EPHA5: variants seen among roughly 807,000 people sequenced by gnomAD.
The protein encoded by EPHA5 is EPH receptor A5.
Under a neutral mutation model 105.0 loss-of-function variants are expected in EPHA5, and 60 were observed. That is an observed-to-expected ratio of 0.57 (90% confidence interval 0.46 to 0.71). The LOEUF (loss-of-function observed/expected upper bound fraction) is 0.71, where lower values mean the gene tolerates loss of function less well. EPHA5 is among the 30% of genes least tolerant of loss of function. The pLI is 0.00. For missense variants in EPHA5, 1,218 were observed against 1,274.7 expected, an observed-to-expected ratio of 0.96 and a Z score of 0.68; for synonymous variants, 513 against 449.1, an observed-to-expected ratio of 1.14 and a Z score of -1.80.
At chr4:65,465,527 GAAAAGA>G (rs1278598969) in intron 5 of EPHA5, among the ~76,000 whole-genome samples, 2,223 of 69,986 alleles carry the variant, frequency 0.032, 28 homozygotes, top group Middle Eastern at 0.047. Context: ...AAGAAAGAAA[GAAAAGA>G]AAGGAAAGGA....
chr4:65,397,897 G>A (rs1721405125), intron 8 of EPHA5, among the ~76,000 whole-genome samples: 2 of 152,148 alleles, frequency 1.3e-5, no homozygotes, highest in Non-Finnish European at 2.9e-5. Context: ...CCTCTTCAGA[G>A]GGGGGACTGA....
chr4:65,402,711 TATCTC>T (rs1168183206), intron 8 of EPHA5, among the ~76,000 whole-genome samples: 9 of 152,164 alleles, frequency 5.9e-5, no homozygotes, highest in African/African-American at 1.9e-4. Flanking sequence ...CACTAACTCT[TATCTC>T]AGTCAGAAGT....
chr4:65,640,633 A>C (rs1293231388), intron 2 of EPHA5, among the ~76,000 whole-genome samples: 2 of 152,178 alleles, frequency 1.3e-5, no homozygotes, highest in African/African-American at 4.8e-5. Flanking sequence ...CTTAGACAGA[A>C]TATTTTGTTA....
intron 16 of EPHA5, among the ~76,000 whole-genome samples, chr4:65,328,213 T>C (rs1720265122): frequency 6.6e-6 from 1 of 151,182 alleles, no homozygotes; most frequent in Non-Finnish European, 1.5e-5. Context: ...ACTAGCATTG[T>C]TACATAAACA....
chr4:65,554,657 C>T (rs1381414748), intron 3 of EPHA5, among the ~76,000 whole-genome samples: 1 of 151,520 alleles, frequency 6.6e-6, no homozygotes, highest in Non-Finnish European at 1.5e-5. Context: ...ATAAACTATT[C>T]CCCTGTGTGT....
intron 3 of EPHA5, among the ~76,000 whole-genome samples, chr4:65,564,465 C>T (rs13117928): frequency 0.37 from 55,303 of 151,420 alleles, 10,546 homozygotes; most frequent in East Asian, 0.51. Flanking sequence ...CAGAATTAAC[C>T]GCCATACGTT....
At chr4:65,350,694 T>C (rs1235031331) in intron 13 of EPHA5, among the ~76,000 whole-genome samples, 1 of 152,014 alleles carries the variant, frequency 6.6e-6, no homozygotes, top group African/African-American at 2.4e-5. Context: ...ACAGAAAAAA[T>C]GTCAATTATA....
At chr4:65,574,671 TATATATAC>T (rs1185806678) in intron 3 of EPHA5, among the ~76,000 whole-genome samples, 652 of 14,934 alleles carry the variant, frequency 0.044, 14 homozygotes, top group Admixed American at 0.081. Flanking sequence ...TATATACACA[TATATATAC>T]ATATATATAC....
At chr4:65,463,814 A>G (rs1578173008) in intron 5 of EPHA5, among the ~76,000 whole-genome samples, 1 of 152,206 alleles carries the variant, frequency 6.6e-6, no homozygotes, top group Admixed American at 6.5e-5. Context: ...TTTGCCAGAA[A>G]ATGAATGCTT....
intron 7 of EPHA5, among the ~76,000 whole-genome samples, chr4:65,413,152 T>C (rs1323502342): frequency 6.6e-6 from 1 of 152,108 alleles, no homozygotes; most frequent in Non-Finnish European, 1.5e-5. Flanking sequence ...TAATATCACA[T>C]GTTCCTATTA....
chr4:65,606,363 T>A (rs1744229064), intron 2 of EPHA5, among the ~76,000 whole-genome samples: 1 of 152,160 alleles, frequency 6.6e-6, no homozygotes, highest in Admixed American at 6.5e-5. Context: ...GAGATCCCAC[T>A]AATTTGGAAT....
At chr4:65,505,686 T>C (rs1027607208) in intron 3 of EPHA5, among the ~76,000 whole-genome samples, 1 of 152,020 alleles carries the variant, frequency 6.6e-6, no homozygotes, top group Non-Finnish European at 1.5e-5. Context: ...TTCAACATAT[T>C]TTCATGGGTT....
At chr4:65,497,867 G>A (rs1732098119) in intron 3 of EPHA5, among the ~76,000 whole-genome samples, 1 of 151,934 alleles carries the variant, frequency 6.6e-6, no homozygotes, top group Non-Finnish European at 1.5e-5. Flanking sequence ...GGTATAGTGG[G>A]CCAGTAACTC....
chr4:65,473,366 A>T (rs942533481), intron 5 of EPHA5, among the ~76,000 whole-genome samples: 18 of 152,194 alleles, frequency 1.2e-4, no homozygotes, highest in Non-Finnish European at 2.5e-4. Flanking sequence ...TTATTAAACC[A>T]TTCTCACACT....
intron 8 of EPHA5, among the ~76,000 whole-genome samples, chr4:65,395,591 G>A (rs2148966414): frequency 6.6e-6 from 1 of 152,266 alleles, no homozygotes; most frequent in South Asian, 2.1e-4. Context: ...AGTATTGGCT[G>A]ACTTCTAAAG....
intron 7 of EPHA5, among the ~76,000 whole-genome samples, chr4:65,405,138 T>G (rs749849178): frequency 1.3e-5 from 2 of 152,218 alleles, no homozygotes; most frequent in African/African-American, 4.8e-5. Flanking sequence ...CTACTCTTTA[T>G]ATACATAGAT....
intron 5 of EPHA5, among the ~76,000 whole-genome samples, chr4:65,445,333 AT>A (rs1324611477): frequency 6.6e-6 from 1 of 152,180 alleles, no homozygotes; most frequent in East Asian, 1.9e-4. Context: ...TTGAACAAAA[AT>A]ATTACATTTT....
chr4:65,342,893 A>C (rs183792084), intron 14 of EPHA5, among the ~76,000 whole-genome samples: 12 of 152,098 alleles, frequency 7.9e-5, no homozygotes, highest in Admixed American at 4.6e-4. Flanking sequence ...TCTGCTTTAC[A>C]AGTAAGATCT....
chr4:65,494,610 A>G (rs187560126), intron 4 of EPHA5, among the ~76,000 whole-genome samples: 21 of 152,318 alleles, frequency 1.4e-4, no homozygotes, highest in Non-Finnish European at 2.4e-4. Flanking sequence ...ACGGAAAACT[A>G]AAAATGTTGA....
Sources: allele counts gnomAD v4.1 joint callset (sites outside exome capture counted in the v4.1 genomes callset), GRCh38; gene constraint gnomAD v4.1.1; transcripts MANE v1.5; gene names NCBI Gene and HGNC (gene_info 2026-07-23, HGNC 2026-07-21).